The following GLTP variants were observed in gnomAD, a reference collection of about 807,000 sequenced individuals.
GLTP encodes the protein glycolipid transfer protein.
In GLTP, 22 loss-of-function variants were observed where a neutral mutation model predicts 24.0. The observed-to-expected ratio is 0.92, with a 90% CI of 0.65 to 1.31. The LOEUF (loss-of-function observed/expected upper bound fraction) is 1.31, where lower values mean the gene tolerates loss of function less well. Among genes scored for constraint, GLTP ranks in the 50% most tolerant of loss-of-function variants. The probability of loss-of-function intolerance (pLI) is 0.00; values close to 1 mark genes in which losing one functional copy is unlikely to be tolerated. For synonymous variants in GLTP, 92 were observed against 115.9 expected (o/e 0.79, Z 1.33); for missense variants, 224 against 276.6 (o/e 0.81, Z 1.35).
chr12:109,858,653 T>TGAA, intron 2 of GLTP, 30 bp downstream of exon 2: 1 of 1,580,030 alleles, frequency 6.3e-7, no homozygotes, highest in East Asian at 2.2e-5. Flanking sequence ...ACGCAAGTCT[T>TGAA]GGGCTGTGGC....
intron 2 of GLTP, 79 bp downstream of exon 2, chr12:109,858,604 G>T: frequency 9.8e-7 from 1 of 1,016,594 alleles, no homozygotes; most frequent in Non-Finnish European, 1.6e-6. Context: ...TTGCAGCTGG[G>T]ACCATGATGC....
intron 1 of GLTP, among the ~76,000 whole-genome samples, chr12:109,877,789 G>A (rs957513177): frequency 6.6e-5 from 10 of 152,070 alleles, no homozygotes; most frequent in African/African-American, 1.9e-4. Flanking sequence ...CATCACAGCC[G>A]ACAAATGATC....
intron 1 of GLTP, among the ~76,000 whole-genome samples, chr12:109,869,833 G>A (rs1363869455): frequency 2.0e-5 from 3 of 151,618 alleles, no homozygotes; most frequent in African/African-American, 7.3e-5. Flanking sequence ...GCAGTGGCGC[G>A]ATCTCGGCTC....
chr12:109,874,999 G>A (rs576237819), intron 1 of GLTP, among the ~76,000 whole-genome samples: 10 of 152,234 alleles, frequency 6.6e-5, no homozygotes, highest in Admixed American at 2.0e-4. Flanking sequence ...CTGACCTCAG[G>A]TGATCTGCCC....
intron 1 of GLTP, among the ~76,000 whole-genome samples, chr12:109,859,010 GAC>G (rs1406752726): frequency 6.6e-6 from 1 of 152,188 alleles, no homozygotes; most frequent in East Asian, 1.9e-4. Context: ...CCAATCCTAA[GAC>G]ACACATTTGA....
At chr12:109,861,347 C>T (rs1379644898) in intron 1 of GLTP, among the ~76,000 whole-genome samples, 2 of 152,208 alleles carry the variant, frequency 1.3e-5, no homozygotes, top group Non-Finnish European at 2.9e-5. Flanking sequence ...TCCTGCACGA[C>T]CACTCCCCAG....
chr12:109,861,054 G>A (rs1395774040), intron 1 of GLTP, among the ~76,000 whole-genome samples: 1 of 152,128 alleles, frequency 6.6e-6, no homozygotes, highest in Non-Finnish European at 1.5e-5. Flanking sequence ...GGCTAGAGGT[G>A]GGTGCCAATC....
intron 1 of GLTP, among the ~76,000 whole-genome samples, chr12:109,874,590 T>C (rs1399100357): frequency 6.6e-6 from 1 of 152,134 alleles, no homozygotes; most frequent in Non-Finnish European, 1.5e-5. Context: ...AGGTATCATC[T>C]CATGCAGCAC....
rs1892784446 is a variant in GLTP, at chr12:109,855,587, G to A, written c.447+32C>T. 6.6e-7 allele frequency: 1 copy of A among 1,517,338 alleles called. No individual in the cohort carries two copies. Among genetic ancestry groups the A allele is most frequent in the Non-Finnish European group, 8.9e-7 (1 of 1,127,628 alleles). 94.0% of individuals were successfully genotyped at this position (1,517,338 alleles called of 1,614,324 possible). On this transcript the variant is annotated intron_variant, in intron 4 of 4. Coordinates refer to ENST00000318348, the MANE Select transcript of GLTP (RefSeq NM_016433.4). The surrounding 1 kb of genome is among the most constrained non-coding windows in gnomAD (Gnocchi z 4.1). Reference sequence around the variant, plus strand: ...AGTGGGGAGCAGAATCTGCAAGCTGGTGGTCCTTTGGGGCTCATGGGGGTG... The same window carrying A: ...AGTGGGGAGCAGAATCTGCAAGCTGATGGTCCTTTGGGGCTCATGGGGGTG...
intron 1 of GLTP, among the ~76,000 whole-genome samples, chr12:109,873,817 AACAC>A (rs112538687): frequency 6.7e-6 from 1 of 149,306 alleles, no homozygotes; most frequent in African/African-American, 2.5e-5. Context: ...TCTTAAACAA[AACAC>A]ACACACACAC....
intron 1 of GLTP, among the ~76,000 whole-genome samples, chr12:109,862,311 G>A (rs1868388452): frequency 3.9e-5 from 6 of 152,000 alleles, no homozygotes; most frequent in Admixed American, 3.9e-4. Flanking sequence ...CCAGCCTGGG[G>A]AGGTCATGCC....
At position 109,880,311 on chromosome 12, in the gene GLTP, G is replaced by A. The variant is rs769773157; in HGVS notation, c.64C>T (p.Pro22Ser). ...LPADKQIETG[P>S]FLEAVSHLPP... ...AGGTGGGACACCGCCTCGAGGAAGG[G>A]CCCGGTCTCGATCTGCTTGTCCGCG... The change falls in exon 1 of 5, where the codon CCC becomes TCC. Residue 22 changes from proline (P) to serine (S), a missense_variant. By Grantham distance (74) the Pro-to-Ser change is moderately conservative. Transcript: ENST00000318348. This position sits in a 1 kb window ranked among gnomAD's most constrained non-coding sequence, Gnocchi z 5.1. The A allele has an allele frequency of 2.3e-5, 37 of 1,606,102 alleles. No individual in the cohort carries two copies. The highest frequency in any genetic ancestry group is 3.1e-5 in the Non-Finnish European group (37 of 1,177,742).
chr12:109,880,255 C>T lies in GLTP; in HGVS notation c.103+17G>A, dbSNP rs143113542. ...GCGTGGGGCTGCGGGCCGCCTCCCC[C>T]CTCCATTCCGGCTCACCGAAGAAGG... On this transcript the variant is annotated intron_variant, in intron 1 of 4. Coordinates refer to ENST00000318348, the MANE Select transcript of GLTP (RefSeq NM_016433.4). The surrounding 1 kb of genome is among the most constrained non-coding windows in gnomAD (Gnocchi z 5.1). The T allele has an allele frequency of 3.3e-6, 5 of 1,502,984 alleles. No individual in the cohort carries two copies. The highest frequency in any genetic ancestry group is 4.6e-6 in the Non-Finnish European group (5 of 1,089,204). 93.1% of individuals were successfully genotyped at this position (1,502,984 alleles called of 1,614,324 possible).
intron 1 of GLTP, among the ~76,000 whole-genome samples, chr12:109,876,847 TTTTC>T (rs942440138): frequency 4.6e-5 from 7 of 152,174 alleles, no homozygotes; most frequent in African/African-American, 7.2e-5. Context: ...TTTATGTAGA[TTTTC>T]TTTCTTTCTT....
intron 1 of GLTP, among the ~76,000 whole-genome samples, chr12:109,872,219 A>G (rs1868740152): frequency 1.3e-5 from 2 of 152,340 alleles, no homozygotes; most frequent in South Asian, 4.1e-4. Context: ...TCACCAAGTC[A>G]GGCATTGATT....
chr12:109,871,411 T>C (rs1868717900), intron 1 of GLTP, among the ~76,000 whole-genome samples: 2 of 152,146 alleles, frequency 1.3e-5, no homozygotes, highest in Admixed American at 6.5e-5. Flanking sequence ...AAGAAGCTCA[T>C]TGAAATAATC....
At chr12:109,868,998 C>T (rs1026385624) in intron 1 of GLTP, among the ~76,000 whole-genome samples, 1 of 152,110 alleles carries the variant, frequency 6.6e-6, no homozygotes, top group African/African-American at 2.4e-5. Flanking sequence ...CAAAATACTT[C>T]TTTAAAAACT....
intron 1 of GLTP, among the ~76,000 whole-genome samples, chr12:109,876,155 C>T (rs746450075): frequency 1.3e-5 from 2 of 151,988 alleles, no homozygotes; most frequent in Admixed American, 1.3e-4. Context: ...ACAGCCTGGC[C>T]GAAATGGTAA....
At chr12:109,877,403 A>T (rs2136050914) in intron 1 of GLTP, among the ~76,000 whole-genome samples, 1 of 152,308 alleles carries the variant, frequency 6.6e-6, no homozygotes, top group South Asian at 2.1e-4. Flanking sequence ...AATACTTTTT[A>T]AAAACACAGC....
Sources: gnomAD v4.1 joint callset for allele counts (sites outside exome capture counted in the v4.1 genomes callset) on GRCh38, gnomAD v4.1.1 for gene constraint, Gnocchi (gnomAD v3.1) non-coding constraint, MANE v1.5 for transcripts, NCBI Gene and HGNC (gene_info 2026-07-23, HGNC 2026-07-21) for gene names.